Variants in MROH2A observed in about 807,000 individuals in gnomAD.
The protein encoded by MROH2A is maestro heat like repeat family member 2A.
In MROH2A, 174 loss-of-function variants were observed where a neutral mutation model predicts 200.4. The ratio of observed to expected loss-of-function variants is 0.87; its 90% CI spans 0.77 to 0.98. The LOEUF (loss-of-function observed/expected upper bound fraction) is 0.98, where lower values mean the gene tolerates loss of function less well. Ranked by LOEUF, MROH2A falls within the 50% of genes least tolerant of loss-of-function variation. The pLI, the probability that MROH2A is intolerant of heterozygous loss-of-function variation, is 0.00. For missense variants in MROH2A, 2,045 were observed against 2,139.6 expected (o/e 0.96, Z 0.87); for synonymous variants, 829 against 840.4 (o/e 0.99, Z 0.23).
In MROH2A at chr2:233,804,106, T is replaced by G. The variant is rs1702644033; in HGVS notation, c.1805T>G (p.Leu602Arg). Residue 602 changes from leucine to arginine, a missense_variant, in exon 17 of 42, where the codon CTC becomes CGC. This residue lies in a region of MROH2A where 831 missense variants were observed against 800.0 expected (regional missense o/e 1.04). Coordinates refer to ENST00000389758, the MANE Select transcript of MROH2A (RefSeq NM_001394639.1). ...GGTCGTGGGATAGCCATGCTCAACC[T>G]CTTGAGGACCCTGAGCCAGAGCATC... ...GEGRGIAMLN[L>R]LRTLSQSIAP... is the part of the protein sequence containing the mutation. 1 of 1,550,470 alleles carries G rather than the reference T, an allele frequency of 6.4e-7. No individual in the cohort carries two copies.
In MROH2A at chr2:233,785,994, T is replaced by C. The variant is rs529545740; in HGVS notation, c.277-3503T>C. On this transcript the variant is annotated intron_variant, in intron 3 of 41. Coordinates refer to ENST00000389758, the MANE Select transcript of MROH2A (RefSeq NM_001394639.1). ...AATTATAGCTCCCATAATTCCCACA[T>C]GTTGTGGGACGGAACAATTGGGAGA... Among the ~76,000 whole-genome samples, 157 of 152,306 alleles carry C rather than the reference T, an allele frequency of 1.0e-3. 1 individual carries two copies. Among genetic ancestry groups the C allele is most frequent in the African/African-American group, 3.3e-3 (139 of 41,564 alleles).
rs138495931 is a variant in MROH2A, at chr2:233,822,426, C to T, written c.3736C>T (p.Leu1246Phe). The T allele has an allele frequency of 7.5e-4, 1,158 of 1,549,208 alleles. 1 individual carries two copies. In the African/African-American group the frequency reaches 0.014, roughly 19 times the overall value. Residue 1246 changes from leucine (L) to phenylalanine (F), a missense_variant, in exon 33 of 42, where the codon CTC becomes TTC. Around this residue, in one of 3 missense-constraint regions of MROH2A, gnomAD observed 1,201 missense variants for 1,311.3 expected, o/e 0.92. Transcript: ENST00000389758. ...LDENDKLPDFLPDLIYTLLLQ... is the reference protein window; with the variant it reads ...LDENDKLPDFFPDLIYTLLLQ... ...TGAGAATGACAAGCTCCCGGACTTC[C>T]TCCCTGACCTCATCTACACCCTCCT...
chr2:233,806,835 G>A (rs1359524569), intron 19 of MROH2A, among the ~76,000 whole-genome samples: 1 of 151,846 alleles, frequency 6.6e-6, no homozygotes, highest in Non-Finnish European at 1.5e-5. Context: ...TGGGGAACTG[G>A]TGGTCTTCGG....
At chr2:233,783,483 A>T (rs905661415) in intron 3 of MROH2A, among the ~76,000 whole-genome samples, 1 of 152,080 alleles carries the variant, frequency 6.6e-6, no homozygotes, top group Admixed American at 6.5e-5. Flanking sequence ...TGTTTCCTAT[A>T]GGTTTTCAAA....
At position 233,807,838 on chromosome 2, in the gene MROH2A, C is replaced by A; in HGVS notation, c.2278C>A (p.Gln760Lys). The change falls in exon 21 of 42, where the codon CAG becomes AAG. Residue 760 changes from glutamine to lysine, a missense_variant. Transcript: ENST00000389758. This position sits in a 1 kb window ranked among gnomAD's most constrained non-coding sequence, Gnocchi z 4.3. ...GATCCAGGAGTCAGAGCAGTCCTGG[C>A]AGATCAGTGCTTGGCGGGTAAGCCA... ...ERIQESEQSWQISAWRKDHPW... is the reference protein window; with the variant it reads ...ERIQESEQSWKISAWRKDHPW... 1 of 1,551,010 alleles carries A rather than the reference C, an allele frequency of 6.4e-7. No individual in the cohort carries two copies. Among genetic ancestry groups the A allele is most frequent in the East Asian group, 2.4e-5 (1 of 40,924 alleles).
intron 5 of MROH2A, among the ~76,000 whole-genome samples, chr2:233,792,119 G>T (rs1436358089): frequency 6.6e-6 from 1 of 152,042 alleles, no homozygotes; most frequent in African/African-American, 2.4e-5. Context: ...CCTGAAGGAG[G>T]CTGGCCTGTG....
At chr2:233,800,618 C>CGTGT (rs1296048146) in intron 14 of MROH2A, among the ~76,000 whole-genome samples, 2 of 120,950 alleles carry the variant, frequency 1.7e-5, no homozygotes, top group African/African-American at 6.8e-5. Context: ...CTTTAAGGCC[C>CGTGT]GTGTGTGTGT....
At chr2:233,818,932 C>G (rs546924885) in intron 29 of MROH2A, among the ~76,000 whole-genome samples, 162 bp downstream of exon 29, 3 of 152,238 alleles carry the variant, frequency 2.0e-5, no homozygotes, top group Non-Finnish European at 4.4e-5. Context: ...GTTGAAAGGG[C>G]CTGCAGTATG....
Position 233,807,715 on chromosome 2 carries a change from G to A in MROH2A, c.2173-18G>A, listed in dbSNP as rs952092558. On this transcript the variant is annotated intron_variant, in intron 20 of 41. Coordinates refer to ENST00000389758, the MANE Select transcript of MROH2A (RefSeq NM_001394639.1). This position sits in a 1 kb window ranked among gnomAD's most constrained non-coding sequence, Gnocchi z 4.3. ...ACTGGCCCCTGCCCTCACCCTGGCT[G>A]GCTGGGTCTCCCTGCAGGGTGTGAT... 16 of 1,550,668 alleles carry A rather than the reference G, an allele frequency of 1.0e-5. No individual in the cohort carries two copies. The African/African-American group carries it at 1.9e-4, about 19-fold the overall frequency.
rs1702849285 is a variant in MROH2A at position 233,807,164 on chromosome 2, T to C, written c.2053-259T>C. ...AGTATTCCATTATATATATATATAA[T>C]ATGAACTGATATATGTATATATAAA... is the stretch of plus-strand genomic sequence containing the variant. On this transcript the variant is annotated intron_variant, in intron 19 of 41. Coordinates refer to ENST00000389758, the MANE Select transcript of MROH2A (RefSeq NM_001394639.1). This position sits in a 1 kb window ranked among gnomAD's most constrained non-coding sequence, Gnocchi z 4.3. 6.7e-6 allele frequency among the ~76,000 whole-genome samples: 1 copy of C among 148,554 alleles called. No individual in the cohort carries two copies. The highest frequency in any genetic ancestry group is 2.1e-4 in the South Asian group (1 of 4,744).
At chr2:233,802,917 C>T (rs1293058852) in intron 15 of MROH2A, among the ~76,000 whole-genome samples, 1 of 152,220 alleles carries the variant, frequency 6.6e-6, no homozygotes, top group African/African-American at 2.4e-5. Context: ...AGTCAATCCT[C>T]TGAGGTCTTC....
At position 233,807,947 on chromosome 2, in the gene MROH2A, A is replaced by G; in HGVS notation, c.2295+92A>G. ...AAAGTCCTTTCTAGATCTCAGTAGG[A>G]AACTTGCCTCACACGGAGTCTCCTG... On this transcript the variant is annotated intron_variant, in intron 21 of 41. Coordinates refer to ENST00000389758, the MANE Select transcript of MROH2A (RefSeq NM_001394639.1). The surrounding 1 kb of genome is among the most constrained non-coding windows in gnomAD (Gnocchi z 4.3). 1.3e-6 allele frequency: 2 copies of G among 1,496,146 alleles called. No homozygotes were observed. The highest frequency in any genetic ancestry group is 9.1e-7 in the Non-Finnish European group (1 of 1,102,642). 92.7% of individuals were successfully genotyped at this position (1,496,146 alleles called of 1,614,324 possible).
chr2:233,823,819 C>T (rs1576009721), intron 35 of MROH2A, 155 bp downstream of exon 35: 1 of 943,214 alleles, frequency 1.1e-6, no homozygotes, highest in Middle Eastern at 3.3e-4. Flanking sequence ...CTCCTTCATT[C>T]ATTCATCACA....
chr2:233,818,320 G>C (rs13425899), intron 28 of MROH2A, among the ~76,000 whole-genome samples, 195 bp downstream of exon 28: 6,479 of 152,278 alleles, frequency 0.043, 203 homozygotes, highest in Middle Eastern at 0.14. Context: ...TCCAGAAGGA[G>C]AGGTTCATTA....
chr2:233,794,279 T>C, intron 7 of MROH2A, 84 bp from the exon 8 acceptor site: 1 of 1,047,654 alleles, frequency 9.5e-7, no homozygotes, highest in Non-Finnish European at 1.4e-6. Context: ...CCTGTGTCCT[T>C]GGATTCTGTG....
Position 233,804,073 on chromosome 2 carries a change from A to AGG in MROH2A, c.1776_1777dup (p.Glu593GlyfsTer6). The AGG allele has an allele frequency of 6.4e-7, 1 of 1,550,458 alleles. No individual in the cohort carries two copies. The highest frequency in any genetic ancestry group is 8.7e-7 in the Non-Finnish European group (1 of 1,146,952). ...CAGGTGCTGATGTCATCACCTTACA[A>AGG]GGGGGAGGGTCGTGGGATAGCCATG... On this transcript the variant is annotated frameshift_variant, in exon 17 of 42. Transcript: ENST00000389758. LOFTEE classifies it high-confidence loss of function.
chr2:233,800,071 A>G (rs1702361905), intron 13 of MROH2A, 134 bp from the exon 14 acceptor site: 1 of 1,109,514 alleles, frequency 9.0e-7, no homozygotes, highest in Non-Finnish European at 1.3e-6. Context: ...GGTCCTAGAT[A>G]TATGCACAGC....
At chr2:233,797,386 T>A (rs926761239) in intron 11 of MROH2A, among the ~76,000 whole-genome samples, 9 of 152,240 alleles carry the variant, frequency 5.9e-5, no homozygotes, top group Admixed American at 2.0e-4. Flanking sequence ...AAGCAAAGCA[T>A]GAGAAACAGC....
At chr2:233,806,948 C>T (rs1452673261) in intron 19 of MROH2A, among the ~76,000 whole-genome samples, 2 of 152,120 alleles carry the variant, frequency 1.3e-5, no homozygotes, top group African/African-American at 2.4e-5. Flanking sequence ...CCCTTTCCTA[C>T]CCTTTCCCCC....
Sources: gnomAD v4.1 joint callset for allele counts (sites outside exome capture counted in the v4.1 genomes callset) on GRCh38, gnomAD v4.1.1 for gene constraint, gnomAD v4.1.1 regional missense constraint, Gnocchi (gnomAD v3.1) non-coding constraint, MANE v1.5 for transcripts, NCBI Gene and HGNC (gene_info 2026-07-23, HGNC 2026-07-21) for gene names.